TRIM3: variants seen among roughly 807,000 people sequenced by gnomAD.
The protein encoded by TRIM3 is tripartite motif containing 3.
A neutral mutation model predicts 66.6 loss-of-function variants in TRIM3; 13 were observed. The observed-to-expected ratio is 0.20, with a 90% CI of 0.13 to 0.31. The LOEUF is 0.31. TRIM3 is among the 10% of genes least tolerant of loss of function. The pLI, the probability that TRIM3 is intolerant of heterozygous loss-of-function variation, is 1.00. For missense variants in TRIM3, 711 were observed against 1,020.4 expected, an observed-to-expected ratio of 0.70 and a Z score of 4.13; for synonymous variants, 406 against 411.7, an observed-to-expected ratio of 0.99 and a Z score of 0.17.
At chr11:6,469,183 T>C (rs1409282788) in intron 1 of TRIM3, among the ~76,000 whole-genome samples, 1 of 151,710 alleles carries the variant, frequency 6.6e-6, no homozygotes, top group Non-Finnish European at 1.5e-5. Context: ...GGAGGAAGAG[T>C]GGGAGTGGTC....
chr11:6,457,234 C>T lies in TRIM3; in HGVS notation c.696+62G>A. The stretch of plus-strand genomic sequence containing the variant: ...GGAGCTGGTGTGGAAGACAGAGGAA[C>T]AATGGAGGCAATAACACCATCACAA... On this transcript the variant is annotated intron_variant, in intron 5 of 11. Coordinates refer to ENST00000345851, the MANE Select transcript of TRIM3 (RefSeq NM_033278.4). The surrounding 1 kb of genome is among the most constrained non-coding windows in gnomAD (Gnocchi z 4.5). The T allele has an allele frequency of 6.3e-7, 1 of 1,583,590 alleles. No homozygotes were observed. The highest frequency in any genetic ancestry group is 8.6e-7 in the Non-Finnish European group (1 of 1,162,456).
At chr11:6,461,476 A>G in intron 2 of TRIM3, among the ~76,000 whole-genome samples, 1 of 134,602 alleles carries the variant, frequency 7.4e-6, no homozygotes, top group African/African-American at 2.8e-5. Context: ...TTCTTCCATT[A>G]CCCCCCGCAC....
chr11:6,466,571 T>C (rs1042244950), intron 1 of TRIM3, among the ~76,000 whole-genome samples: 22 of 151,712 alleles, frequency 1.5e-4, no homozygotes, highest in Non-Finnish European at 8.8e-5. Flanking sequence ...CTCATAAGTC[T>C]ATGATCAATC....
Position 6,457,886 on chromosome 11 carries a change from T to A in TRIM3, c.364-39A>T. Reference sequence around the variant, plus strand: ...ACTCCAGTCGGGTAATGGCTAGACATCACACTTCTTTGTCCCCTCCCCACC... The same window carrying A: ...ACTCCAGTCGGGTAATGGCTAGACAACACACTTCTTTGTCCCCTCCCCACC... On this transcript the variant is annotated intron_variant, in intron 3 of 11. Transcript: ENST00000345851. This position sits in a 1 kb window ranked among gnomAD's most constrained non-coding sequence, Gnocchi z 4.5. 2 of 1,611,776 alleles carry A rather than the reference T, an allele frequency of 1.2e-6. No individual in the cohort carries two copies. Among genetic ancestry groups the A allele is most frequent in the Non-Finnish European group, 1.7e-6 (2 of 1,178,394 alleles).
In TRIM3 at chr11:6,457,421, G is replaced by C; in HGVS notation, c.571C>G (p.Gln191Glu). ...GCCAGGGCCTCTGCCTTGCGCTCCT[G>C]CAGCTGCTGGCTGATGCCCCCGACT... ...ALVGGISQQLQERKAEALAQI... is the reference protein window; with the variant it reads ...ALVGGISQQLEERKAEALAQI... Residue 191 changes from glutamine (Q) to glutamate (E), a missense_variant, in exon 5 of 12, where the codon CAG becomes GAG. Physicochemically the swap from Gln to Glu is conservative, Grantham distance 29 (BLOSUM62 2). Around this residue, in one of 3 missense-constraint regions of TRIM3, gnomAD observed 399 missense variants for 458.1 expected, o/e 0.87. Transcript: ENST00000345851. The surrounding 1 kb of genome is among the most constrained non-coding windows in gnomAD (Gnocchi z 4.5). 1 of 1,613,616 alleles carries C rather than the reference G, an allele frequency of 6.2e-7. No homozygotes were observed. The highest frequency in any genetic ancestry group is 1.1e-5 in the South Asian group (1 of 91,060).
In TRIM3 at chr11:6,457,496, T is replaced by C; in HGVS notation, c.516-20A>G. 6.2e-7 allele frequency: 1 copy of C among 1,608,172 alleles called. No individual in the cohort carries two copies. Among genetic ancestry groups the C allele is most frequent in the Non-Finnish European group, 8.5e-7 (1 of 1,177,000 alleles). ...GGCAATCTGGAGGGGGAATATCTCA[T>C]TCCAGAGTTGCTGAGGGTGGCTTTG... On this transcript the variant is annotated intron_variant, in intron 4 of 11. Transcript: ENST00000345851. This position sits in a 1 kb window ranked among gnomAD's most constrained non-coding sequence, Gnocchi z 4.5.
At chr11:6,465,539 C>G (rs1850425281) in intron 2 of TRIM3, 26 bp downstream of exon 2, 1 of 1,613,738 alleles carries the variant, frequency 6.2e-7, no homozygotes, top group Admixed American at 1.7e-5. Context: ...GGTCCTCATC[C>G]CTCCCCAGTA....
rs538870437 is a variant in TRIM3 at position 6,448,854 on chromosome 11, G to A, written c.*174C>T. ...TCACCCAGTCACCAAAGCAAGAACC[G>A]AATAAATAAAGTGCAACCGTGGGGG... On this transcript the variant is annotated 3_prime_UTR_variant, in exon 12 of 12. Transcript: ENST00000345851. 1.1e-5 allele frequency: 8 copies of A among 752,854 alleles called. No homozygotes were observed. The highest frequency in any genetic ancestry group is 8.5e-5 in the South Asian group (5 of 58,974). 46.6% of individuals were successfully genotyped at this position (752,854 alleles called of 1,614,324 possible).
Position 6,448,719 on chromosome 11 carries a change from G to A in TRIM3, c.*309C>T, listed in dbSNP as rs1205510421. 1 of 609,220 alleles carries A rather than the reference G, an allele frequency of 1.6e-6. No individual in the cohort carries two copies. Among genetic ancestry groups the A allele is most frequent in the East Asian group, 2.8e-5 (1 of 36,330 alleles). The allele number at this position is 609,220 out of a possible 1,614,324, so 37.7% of individuals were successfully genotyped here. A position where few individuals can be genotyped will look rare whatever the true frequency, so the allele number is the denominator to read the frequency against. ...TAGAGGGACTCCTGTCCTGGGGTAG[G>A]CTGTTCTGGCCCCAGGCTGGGGGAT... On this transcript the variant is annotated 3_prime_UTR_variant, in exon 12 of 12. Coordinates refer to ENST00000345851, the MANE Select transcript of TRIM3 (RefSeq NM_033278.4).
intron 7 of TRIM3, chr11:6,452,466 C>T (rs2134162747): frequency 6.6e-6 from 1 of 152,400 alleles, no homozygotes; most frequent in East Asian, 1.9e-4. Context: ...GGGCATTGGC[C>T]TTGCTCTTGG....
At chr11:6,462,094 CCTT>C (rs1196905202) in intron 2 of TRIM3, among the ~76,000 whole-genome samples, 2 of 152,222 alleles carry the variant, frequency 1.3e-5, no homozygotes, top group African/African-American at 2.4e-5. Flanking sequence ...CAATCTGTCT[CCTT>C]CTTATCCTCA....
intron 7 of TRIM3, among the ~76,000 whole-genome samples, chr11:6,453,846 C>T (rs1011600162): frequency 2.6e-5 from 4 of 152,242 alleles, no homozygotes; most frequent in Non-Finnish European, 5.9e-5. Context: ...ACCCCAATCC[C>T]CATGTACTGA....
intron 2 of TRIM3, among the ~76,000 whole-genome samples, chr11:6,460,095 C>T (rs1025898103): frequency 1.3e-5 from 2 of 152,214 alleles, no homozygotes; most frequent in South Asian, 2.1e-4. Flanking sequence ...AAGACCAGGC[C>T]GAGAGGCAGG....
rs1849630401 is a variant in TRIM3 at position 6,449,471 on chromosome 11, T to C, written c.1942-25A>G. Reference sequence around the variant, plus strand: ...CCTGGCGGGGGAAGGGGCTAGGGACTGGGGACCTGGCCTCAGGCAGAGGGT... The same window carrying C: ...CCTGGCGGGGGAAGGGGCTAGGGACCGGGGACCTGGCCTCAGGCAGAGGGT... On this transcript the variant is annotated intron_variant, in intron 10 of 11. Coordinates refer to ENST00000345851, the MANE Select transcript of TRIM3 (RefSeq NM_033278.4). This position sits in a 1 kb window ranked among gnomAD's most constrained non-coding sequence, Gnocchi z 5.3. The C allele has an allele frequency of 6.2e-7, 1 of 1,603,542 alleles. No individual in the cohort carries two copies.
chr11:6,465,435 C>T, intron 2 of TRIM3, 130 bp downstream of exon 2: 1 of 1,160,712 alleles, frequency 8.6e-7, no homozygotes, highest in Non-Finnish European at 1.2e-6. Context: ...CACCTGCTCT[C>T]CTCCCAGGTA....
Position 6,456,261 on chromosome 11 carries a change from C to A in TRIM3, c.1429+36G>T, listed in dbSNP as rs752442084. On this transcript the variant is annotated intron_variant, in intron 6 of 11. Coordinates refer to ENST00000345851, the MANE Select transcript of TRIM3 (RefSeq NM_033278.4). The surrounding 1 kb of genome is among the most constrained non-coding windows in gnomAD (Gnocchi z 6.4). Reference sequence around the variant, plus strand: ...CTTCCCTCCCCACCCACTACCTGAGCCTGGCCCATCTGGCTCTGCCCTCGG... The same window carrying A: ...CTTCCCTCCCCACCCACTACCTGAGACTGGCCCATCTGGCTCTGCCCTCGG... The A allele has an allele frequency of 6.9e-6, 11 of 1,589,020 alleles. No individual in the cohort carries two copies. The South Asian group carries it at 1.1e-4, about 17-fold the overall frequency.
At chr11:6,472,555 C>G (rs1416344564) in intron 1 of TRIM3, among the ~76,000 whole-genome samples, 1 of 152,140 alleles carries the variant, frequency 6.6e-6, no homozygotes, top group Non-Finnish European at 1.5e-5. Flanking sequence ...ACTATCCCAA[C>G]GATGGACTCT....
In TRIM3 at chr11:6,457,457, C is replaced by T. The variant is rs1385808156; in HGVS notation, c.535G>A (p.Ala179Thr). ...VRGRLPQLSA[A>T]IALVGGISQQ... ...CTGATGCCCCCGACTAAGGCAATTG[C>T]TGCGGACAGCTGTGGCAATCTGGAG... The change falls in exon 5 of 12, where the codon GCA becomes ACA. Residue 179 changes from alanine (A) to threonine (T), a missense_variant. This residue lies in a region of TRIM3 where 399 missense variants were observed against 458.1 expected (regional missense o/e 0.87). Transcript: ENST00000345851. The surrounding 1 kb of genome is among the most constrained non-coding windows in gnomAD (Gnocchi z 4.5). The T allele has an allele frequency of 6.2e-7, 1 of 1,612,784 alleles. No homozygotes were observed. The highest frequency in any genetic ancestry group is 1.1e-5 in the South Asian group (1 of 91,006).
intron 2 of TRIM3, among the ~76,000 whole-genome samples, chr11:6,460,071 T>C (rs997632384): frequency 1.3e-5 from 2 of 152,002 alleles, no homozygotes; most frequent in African/African-American, 4.8e-5. Context: ...AAAAACTGAA[T>C]GAGGACAACA....
Sources: allele counts gnomAD v4.1 joint callset (sites outside exome capture counted in the v4.1 genomes callset), GRCh38; gene constraint gnomAD v4.1.1; regional missense constraint gnomAD v4.1.1; non-coding constraint Gnocchi (gnomAD v3.1); transcripts MANE v1.5; gene names NCBI Gene and HGNC (gene_info 2026-07-23, HGNC 2026-07-21).